INVS: variants seen among roughly 807,000 people sequenced by gnomAD.
INVS encodes the protein inversion of embryo turning homolog.
A neutral mutation model predicts 108.8 loss-of-function variants in INVS; 86 were observed. That is an observed-to-expected ratio of 0.79 (90% confidence interval 0.66 to 0.95). The LOEUF is 0.95. Ranked by LOEUF, INVS falls within the 40% of genes least tolerant of loss-of-function variation. The pLI, the probability that INVS is intolerant of heterozygous loss-of-function variation, is 0.00. For missense variants in INVS, 1,169 were observed against 1,297.4 expected, an observed-to-expected ratio of 0.90 and a Z score of 1.52; for synonymous variants, 455 against 473.5, an observed-to-expected ratio of 0.96 and a Z score of 0.51.
At chr9:100,163,862 G>T (rs1403677031) in intron 3 of INVS, among the ~76,000 whole-genome samples, 1 of 152,186 alleles carries the variant, frequency 6.6e-6, no homozygotes, top group Non-Finnish European at 1.5e-5. Flanking sequence ...ATCACAGAAG[G>T]CCTGTATGCT....
chr9:100,269,280 G>C (rs1039396806), intron 11 of INVS, among the ~76,000 whole-genome samples: 3 of 152,054 alleles, frequency 2.0e-5, no homozygotes, highest in African/African-American at 7.2e-5. Context: ...ATTCAATTTA[G>C]CTCTACTATT....
intron 3 of INVS, among the ~76,000 whole-genome samples, chr9:100,139,599 T>G (rs955473954): frequency 2.0e-5 from 3 of 152,230 alleles, no homozygotes; most frequent in African/African-American, 7.2e-5. Context: ...CATCTGATTT[T>G]TAAAAACAAT....
At chr9:100,183,279 A>G (rs1489835610) in intron 3 of INVS, among the ~76,000 whole-genome samples, 2 of 152,188 alleles carry the variant, frequency 1.3e-5, no homozygotes, top group Non-Finnish European at 2.9e-5. Context: ...ATAATTAAAA[A>G]AAGAAAAGAC....
intron 12 of INVS, among the ~76,000 whole-genome samples, chr9:100,281,671 AT>A (rs1399652085): frequency 5.3e-5 from 8 of 152,284 alleles, no homozygotes; most frequent in Admixed American, 1.3e-4. Flanking sequence ...CTAATTATTC[AT>A]TCAGATGATT....
At chr9:100,234,395 G>A (rs911489858) in intron 5 of INVS, among the ~76,000 whole-genome samples, 2 of 151,996 alleles carry the variant, frequency 1.3e-5, no homozygotes, top group African/African-American at 2.4e-5. Context: ...GTTATCTCTT[G>A]TCTTCTGTTA....
intron 12 of INVS, among the ~76,000 whole-genome samples, chr9:100,283,106 CA>C (rs908048724): frequency 6.6e-5 from 10 of 152,118 alleles, no homozygotes; most frequent in Non-Finnish European, 1.0e-4. Flanking sequence ...GCCAGTAGTT[CA>C]AAACCAGCCT....
At chr9:100,244,218 AC>A (rs1347872602) in intron 7 of INVS, among the ~76,000 whole-genome samples, 1 of 152,160 alleles carries the variant, frequency 6.6e-6, no homozygotes, top group Non-Finnish European at 1.5e-5. Context: ...TAGAGTTTTG[AC>A]AAATCATTAT....
chr9:100,204,980 C>G (rs1192504966), intron 3 of INVS, among the ~76,000 whole-genome samples: 1 of 152,062 alleles, frequency 6.6e-6, no homozygotes, highest in Non-Finnish European at 1.5e-5. Context: ...CCCATTATCT[C>G]ACAACAGATG....
At chr9:100,100,233 T>A (rs1564110773) in intron 1 of INVS, among the ~76,000 whole-genome samples, 1 of 151,774 alleles carries the variant, frequency 6.6e-6, no homozygotes, top group Non-Finnish European at 1.5e-5. Context: ...ACATTTTTTC[T>A]TAAGAAAAAA....
chr9:100,255,178 C>A (rs1288478488), intron 10 of INVS, among the ~76,000 whole-genome samples: 4 of 152,048 alleles, frequency 2.6e-5, no homozygotes, highest in African/African-American at 9.7e-5. Context: ...TCTTTGAAGA[C>A]ATTGCGAATG....
intron 8 of INVS, among the ~76,000 whole-genome samples, chr9:100,250,150 C>G (rs936251234): frequency 3.3e-5 from 5 of 152,036 alleles, no homozygotes; most frequent in Admixed American, 6.6e-5. Flanking sequence ...TTGTTACTCC[C>G]TCTTTGAAAA....
chr9:100,105,037 A>G (rs1400361185), intron 2 of INVS, among the ~76,000 whole-genome samples: 1 of 152,216 alleles, frequency 6.6e-6, no homozygotes, highest in African/African-American at 2.4e-5. Context: ...ATTTGCATAT[A>G]TAAGTGATAT....
chr9:100,216,310 ATTGG>A (rs1446557597), intron 3 of INVS, among the ~76,000 whole-genome samples: 5 of 152,124 alleles, frequency 3.3e-5, no homozygotes, highest in African/African-American at 4.8e-5. Flanking sequence ...ATTTCAGCCC[ATTGG>A]GCTAACTGGT....
intron 3 of INVS, among the ~76,000 whole-genome samples, chr9:100,138,663 C>T (rs1182689452): frequency 2.7e-5 from 4 of 147,948 alleles, no homozygotes; most frequent in African/African-American, 5.0e-5. Context: ...TTATTGATTT[C>T]GACTTTTGTT....
Position 100,169,338 on chromosome 9 carries a change from C to T in INVS, c.273+42789C>T, listed in dbSNP as rs150831290. On this transcript the variant is annotated intron_variant, in intron 3 of 16. Coordinates refer to ENST00000262457, the MANE Select transcript of INVS (RefSeq NM_014425.5). ...GTTTTTGTATATCCCTACATACTTA[C>T]GCTGTACTCCTTTACATTTATGGTA... Among the ~76,000 whole-genome samples the T allele has an allele frequency of 3.2e-4, 48 of 152,270 alleles. No homozygotes were observed. The East Asian group carries it at 6.7e-3, about 21-fold the overall frequency.
chr9:100,246,391 T>C (rs1212818228), intron 7 of INVS, among the ~76,000 whole-genome samples: 1 of 152,206 alleles, frequency 6.6e-6, no homozygotes, highest in East Asian at 1.9e-4. Context: ...TTAGGTTATG[T>C]TTATGAAGTG....
intron 7 of INVS, among the ~76,000 whole-genome samples, chr9:100,246,224 GAAC>G (rs796471919): frequency 4.6e-4 from 70 of 151,820 alleles, no homozygotes; most frequent in African/African-American, 1.6e-3. Flanking sequence ...GAAGAGAAGA[GAAC>G]AAGGCAGAAA....
At position 100,179,792 on chromosome 9, in the gene INVS, C is replaced by A. The variant is rs145865509; in HGVS notation, c.274-46270C>A. On this transcript the variant is annotated intron_variant, in intron 3 of 16. Transcript: ENST00000262457. The stretch of plus-strand genomic sequence containing the variant: ...TGAACTCAGCTCTGGACCAAGGAGA[C>A]CTAATAAACATCTACAGAACTCTCC... Among the ~76,000 whole-genome samples the A allele has an allele frequency of 5.8e-3, 887 of 152,214 alleles. 10 individuals are homozygous for A. Among genetic ancestry groups the A allele is most frequent in the African/African-American group, 0.02 (821 of 41,520 alleles).
At chr9:100,155,950 T>A (rs1265061603) in intron 3 of INVS, among the ~76,000 whole-genome samples, 2 of 152,210 alleles carry the variant, frequency 1.3e-5, no homozygotes, top group African/African-American at 2.4e-5. Context: ...TGAAAAAGCC[T>A]AGAAGTAATG....
Sources: allele counts gnomAD v4.1 joint callset (sites outside exome capture counted in the v4.1 genomes callset), GRCh38; gene constraint gnomAD v4.1.1; transcripts MANE v1.5; gene names NCBI Gene and HGNC (gene_info 2026-07-23, HGNC 2026-07-21).